The following GABPB2 variants were observed in gnomAD, a reference collection of about 807,000 sequenced individuals.
GABPB2 encodes GA binding protein transcription factor subunit beta 2.
GABPB2 carries 23 observed loss-of-function variants against 39.1 expected under a neutral mutation model. The observed-to-expected ratio is 0.59, with a 90% CI of 0.42 to 0.83. GABPB2 has a LOEUF of 0.83. Among genes scored for constraint, GABPB2 ranks in the 40% least tolerant of loss-of-function variants. GABPB2 has a pLI of 0.00. For synonymous variants in GABPB2, 184 were observed against 199.3 expected, an observed-to-expected ratio of 0.92 and a Z score of 0.65; for missense variants, 467 against 541.1, an observed-to-expected ratio of 0.86 and a Z score of 1.36.
In GABPB2 at chr1:151,088,207, G is replaced by A; in HGVS notation, c.18G>A (p.Leu6=). 1 of 1,613,986 alleles carries A rather than the reference G, an allele frequency of 6.2e-7. No homozygotes were observed. The highest frequency in any genetic ancestry group is 8.5e-7 in the Non-Finnish European group (1 of 1,179,900). The change falls in exon 2 of 9, where the codon TTG becomes TTA. Residue 6 remains leucine (L), a synonymous_variant. Transcript: ENST00000368918. ...GCATAAAGATGTCTTTGGTGGACTTGGGAAAGAGGTTGCTAGAAGCAGCAA... is the reference window on the plus strand; with the variant it reads ...GCATAAAGATGTCTTTGGTGGACTTAGGAAAGAGGTTGCTAGAAGCAGCAA... MSLVD[L]GKRLLEAARK... is the part of the protein sequence containing the mutation.
At chr1:151,073,489 C>T (rs1421085872) in intron 1 of GABPB2, among the ~76,000 whole-genome samples, 2 of 152,130 alleles carry the variant, frequency 1.3e-5, no homozygotes, top group Non-Finnish European at 2.9e-5. Context: ...GGCCACCAGG[C>T]AGGTATTGAC....
intron 1 of GABPB2, among the ~76,000 whole-genome samples, chr1:151,076,547 A>C (rs1677181779): frequency 6.6e-6 from 1 of 151,804 alleles, no homozygotes; most frequent in Non-Finnish European, 1.5e-5. Context: ...CTCCTGCATC[A>C]GCCTCCGGAG....
At chr1:151,095,402 T>A (rs949947645) in intron 4 of GABPB2, among the ~76,000 whole-genome samples, 1 of 152,104 alleles carries the variant, frequency 6.6e-6, no homozygotes, top group African/African-American at 2.4e-5. Flanking sequence ...GGCGATGCAT[T>A]TGGATAGAAG....
chr1:151,073,412 G>A (rs587775329), intron 1 of GABPB2, among the ~76,000 whole-genome samples: 2 of 152,270 alleles, frequency 1.3e-5, no homozygotes, highest in East Asian at 3.9e-4. Context: ...GTTGTCTGTA[G>A]TCAAGGAGTC....
At chr1:151,117,551 G>A in intron 8 of GABPB2, 35 bp downstream of exon 8, 2 of 1,606,964 alleles carry the variant, frequency 1.2e-6, no homozygotes, top group South Asian at 1.1e-5. Flanking sequence ...AGAATTTAAA[G>A]CCTTAATTAT....
intron 5 of GABPB2, among the ~76,000 whole-genome samples, 160 bp from the exon 6 acceptor site, chr1:151,103,402 A>G (rs924116534): frequency 6.6e-6 from 1 of 152,106 alleles, no homozygotes; most frequent in Non-Finnish European, 1.5e-5. Flanking sequence ...ACCTTAAAAG[A>G]ATTTTAACAC....
chr1:151,084,248 G>A (rs1419595765), intron 1 of GABPB2, among the ~76,000 whole-genome samples: 1 of 151,554 alleles, frequency 6.6e-6, no homozygotes, highest in African/African-American at 2.4e-5. Flanking sequence ...TTTTGAGACG[G>A]AGTTTCACTC....
At position 151,090,856 on chromosome 1, in the gene GABPB2, G is replaced by A. The variant is rs79242128; in HGVS notation, c.276+283G>A. Among the ~76,000 whole-genome samples, 556 of 151,760 alleles carry A rather than the reference G, an allele frequency of 3.7e-3. 3 individuals are homozygous for A. Among genetic ancestry groups the A allele is most frequent in the African/African-American group, 0.013 (527 of 41,444 alleles). Reference sequence around the variant, plus strand: ...AAAAAAAGCAAAAAAAAATTAGCAGGACGTGGTGGTGCGCGACTGTAATCG... The same window carrying A: ...AAAAAAAGCAAAAAAAAATTAGCAGAACGTGGTGGTGCGCGACTGTAATCG... On this transcript the variant is annotated intron_variant, in intron 3 of 8. Transcript: ENST00000368918.
At chr1:151,075,120 C>T (rs1017153737) in intron 1 of GABPB2, among the ~76,000 whole-genome samples, 2 of 151,878 alleles carry the variant, frequency 1.3e-5, no homozygotes, top group African/African-American at 4.8e-5. Context: ...CCAGTCTGGG[C>T]GACAGAGTGA....
At chr1:151,102,010 T>C (rs1336740757) in intron 5 of GABPB2, among the ~76,000 whole-genome samples, 1 of 152,198 alleles carries the variant, frequency 6.6e-6, no homozygotes, top group East Asian at 1.9e-4. Context: ...AAGAAGGTTA[T>C]GAACAAAGTC....
At chr1:151,101,721 C>G (rs1304811274) in intron 5 of GABPB2, among the ~76,000 whole-genome samples, 1 of 152,104 alleles carries the variant, frequency 6.6e-6, no homozygotes, top group Non-Finnish European at 1.5e-5. Context: ...CATCACCAGG[C>G]AGGACAAAGA....
At chr1:151,113,442 C>T (rs1446862218) in intron 7 of GABPB2, among the ~76,000 whole-genome samples, 1 of 143,062 alleles carries the variant, frequency 7.0e-6, no homozygotes. Context: ...GCACTCCAAC[C>T]TGGGCAACAG....
chr1:151,097,785 A>T (rs1480908768), intron 4 of GABPB2, 67 bp from the exon 5 acceptor site: 1 of 1,528,314 alleles, frequency 6.5e-7, no homozygotes, highest in East Asian at 2.3e-5. Flanking sequence ...TCAAAAAAAA[A>T]AAAAAGAAAG....
intron 4 of GABPB2, among the ~76,000 whole-genome samples, chr1:151,096,661 T>C (rs1400936532): frequency 6.6e-6 from 1 of 152,164 alleles, no homozygotes; most frequent in African/African-American, 2.4e-5. Context: ...CAGATATCCC[T>C]GGAAGCAAAA....
rs774372293 is a variant in GABPB2 at position 151,097,978 on chromosome 1, TCAAC to T, written c.603_606del (p.Asn202ProfsTer50). On this transcript the variant is annotated frameshift_variant, in exon 5 of 9. Coordinates refer to ENST00000368918, the MANE Select transcript of GABPB2 (RefSeq NM_144618.3). LOFTEE classifies it high-confidence loss of function. ...TGTTAACCTCGCAAGCCTTATTTCT[TCAAC>T]CAACACCAAAACAACCTCAGGTAAT... 7 of 1,614,088 alleles carry T rather than the reference TCAAC, an allele frequency of 4.3e-6. No individual in the cohort carries two copies. The highest frequency in any genetic ancestry group is 5.9e-6 in the Non-Finnish European group (7 of 1,180,006).
chr1:151,075,719 CCCCCAAAAAAA>C (rs1029378008), intron 1 of GABPB2, among the ~76,000 whole-genome samples: 2 of 145,990 alleles, frequency 1.4e-5, no homozygotes, highest in Non-Finnish European at 3.1e-5. Context: ...AAAAAAACCC[CCCCCAAAAAAA>C]CCCAAAAAAA....
chr1:151,100,209 A>C (rs1316700407), intron 5 of GABPB2, among the ~76,000 whole-genome samples: 2 of 151,150 alleles, frequency 1.3e-5, no homozygotes, highest in African/African-American at 2.4e-5. Flanking sequence ...CAGTGGCCCA[A>C]TCTCAGCTCA....
At chr1:151,099,600 C>A (rs1679366988) in intron 5 of GABPB2, among the ~76,000 whole-genome samples, 1 of 152,018 alleles carries the variant, frequency 6.6e-6, no homozygotes, top group Non-Finnish European at 1.5e-5. Flanking sequence ...TTTTCTGTTT[C>A]TTTTATTTGA....
intron 3 of GABPB2, among the ~76,000 whole-genome samples, chr1:151,092,100 A>ATTT (rs34298127): frequency 8.6e-5 from 5 of 58,094 alleles, no homozygotes; most frequent in Non-Finnish European, 1.3e-4. Context: ...CAGTTTTCTA[A>ATTT]TTTTTTTTTT....
Sources: allele counts gnomAD v4.1 joint callset (sites outside exome capture counted in the v4.1 genomes callset), GRCh38; gene constraint gnomAD v4.1.1; transcripts MANE v1.5; gene names NCBI Gene and HGNC (gene_info 2026-07-23, HGNC 2026-07-21).